PNLDC1: variants seen among roughly 807,000 people sequenced by gnomAD.
The protein encoded by PNLDC1 is poly(A)-specific ribonuclease PNLDC1.
A neutral mutation model predicts 82.0 loss-of-function variants in PNLDC1; 70 were observed. The observed-to-expected ratio is 0.85, with a 90% CI of 0.70 to 1.04. The LOEUF (loss-of-function observed/expected upper bound fraction) is 1.04. Ranked by LOEUF, PNLDC1 falls within the 50% of genes least tolerant of loss-of-function variation. The pLI is 0.00. For missense variants in PNLDC1, 631 were observed against 661.1 expected, an observed-to-expected ratio of 0.95 and a Z score of 0.50; for synonymous variants, 280 against 249.3, an observed-to-expected ratio of 1.12 and a Z score of -1.16.
intron 6 of PNLDC1, 68 bp downstream of exon 6, chr6:159,804,705 G>A: frequency 8.0e-7 from 1 of 1,249,878 alleles, no homozygotes; most frequent in East Asian, 2.4e-5. Context: ...CCGTGGGCGG[G>A]CGTGCCGTTT....
At chr6:159,801,742 G>A (rs531383149) in intron 3 of PNLDC1, among the ~76,000 whole-genome samples, 2 of 151,382 alleles carry the variant, frequency 1.3e-5, no homozygotes, top group East Asian at 3.9e-4. Flanking sequence ...AACCACACCT[G>A]GCCTGTGATT....
intron 7 of PNLDC1, 27 bp from the exon 8 acceptor site, chr6:159,808,713 G>A (rs779662718): frequency 2.5e-6 from 4 of 1,599,608 alleles, no homozygotes; most frequent in Non-Finnish European, 3.4e-6. Context: ...TCCAGGTGCT[G>A]TGTGCCCCTG....
At chr6:159,816,083 G>C in intron 13 of PNLDC1, 50 bp downstream of exon 13, 2 of 1,268,924 alleles carry the variant, frequency 1.6e-6, no homozygotes, top group Non-Finnish European at 1.0e-6. Flanking sequence ...GAGTGCTGAG[G>C]TGCTCAGCTG....
intron 3 of PNLDC1, among the ~76,000 whole-genome samples, chr6:159,801,611 A>G (rs1421810374): frequency 6.6e-6 from 1 of 151,872 alleles, no homozygotes; most frequent in Admixed American, 6.6e-5. Context: ...ACACCTAGCT[A>G]ATTTTTAAAT....
intron 9 of PNLDC1, among the ~76,000 whole-genome samples, 182 bp downstream of exon 9, chr6:159,809,340 A>G (rs769625038): frequency 2.0e-5 from 3 of 152,148 alleles, no homozygotes; most frequent in Non-Finnish European, 2.9e-5. Context: ...GAAGGAGTGC[A>G]GTGGCATGAA....
rs966209498 is a variant in PNLDC1 at position 159,818,709 on chromosome 6, G to A, written c.1257+55G>A. On this transcript the variant is annotated intron_variant, in intron 16 of 18. Transcript: ENST00000392167. ...CCATTCAGAGTTCAGAGGCTTTGCT[G>A]GGAAGCGGCCAGTGCTCTCTGGGAC... 2.3e-5 allele frequency: 35 copies of A among 1,535,514 alleles called. No homozygotes were observed. The African/African-American group carries it at 4.0e-4, about 17-fold the overall frequency.
At chr6:159,808,329 C>T (rs1381056543) in intron 7 of PNLDC1, among the ~76,000 whole-genome samples, 2 of 152,204 alleles carry the variant, frequency 1.3e-5, no homozygotes, top group Admixed American at 6.5e-5. Context: ...AGAACAGTGT[C>T]ACTCTTCTCG....
At chr6:159,801,265 CTG>C in intron 3 of PNLDC1, 79 bp downstream of exon 3, 2 of 1,328,576 alleles carry the variant, frequency 1.5e-6, no homozygotes, top group Admixed American at 1.7e-5. Flanking sequence ...AAAAACAGCT[CTG>C]AGATTTTTCA....
chr6:159,820,349 G>A (rs899271711), intron 18 of PNLDC1, 105 bp from the exon 19 acceptor site: 1 of 1,082,246 alleles, frequency 9.2e-7, no homozygotes, highest in African/African-American at 1.5e-5. Context: ...CAGCAAGAAA[G>A]AACATCTGAG....
chr6:159,800,408 G>T (rs1781196752), intron 1 of PNLDC1, 25 bp downstream of exon 1: 1 of 1,543,560 alleles, frequency 6.5e-7, no homozygotes, highest in South Asian at 1.2e-5. Flanking sequence ...ATTCGCGGCT[G>T]TGCCGGACAG....
At chr6:159,820,087 C>T (rs1397710560) in intron 18 of PNLDC1, among the ~76,000 whole-genome samples, 2 of 152,076 alleles carry the variant, frequency 1.3e-5, no homozygotes, top group African/African-American at 2.4e-5. Flanking sequence ...GTGGAGTCAG[C>T]GACAGACCAG....
At chr6:159,815,501 G>A (rs757515626) in intron 12 of PNLDC1, among the ~76,000 whole-genome samples, 1 of 152,162 alleles carries the variant, frequency 6.6e-6, no homozygotes, top group Non-Finnish European at 1.5e-5. Context: ...TTGCCTGCTC[G>A]AAATGCCTGC....
rs149905274 is a variant in PNLDC1, at chr6:159,808,699, C to T, written c.563-41C>T. On this transcript the variant is annotated intron_variant, in intron 7 of 18. Transcript: ENST00000392167. ...CTTCTCTTGTGGGGAACATGCCACA[C>T]GGTTCCAGGTGCTGTGTGCCCCTGT... 154 of 1,561,138 alleles carry T rather than the reference C, an allele frequency of 9.9e-5. 1 individual carries two copies. The highest frequency in any genetic ancestry group is 7.5e-4 in the African/African-American group (55 of 73,720).
At chr6:159,803,054 C>T (rs1479731263) in intron 3 of PNLDC1, among the ~76,000 whole-genome samples, 1 of 152,098 alleles carries the variant, frequency 6.6e-6, no homozygotes. Context: ...GAAGAACAGG[C>T]CACAATTAGA....
chr6:159,806,673 G>C (rs1422560062), intron 7 of PNLDC1, among the ~76,000 whole-genome samples: 1 of 152,176 alleles, frequency 6.6e-6, no homozygotes, highest in Non-Finnish European at 1.5e-5. Context: ...GTTAAAAACG[G>C]AAAGGCCAAT....
At chr6:159,801,237 C>T (rs1304374224) in intron 3 of PNLDC1, 51 bp downstream of exon 3, 2 of 1,493,108 alleles carry the variant, frequency 1.3e-6, no homozygotes, top group Non-Finnish European at 1.9e-6. Flanking sequence ...TTTTTATTGT[C>T]CTTGGATTTC....
At chr6:159,816,418 TG>T in intron 13 of PNLDC1, 124 bp from the exon 14 acceptor site, 1 of 869,486 alleles carries the variant, frequency 1.2e-6, no homozygotes, top group Non-Finnish European at 1.9e-6. Context: ...TGTGTGGGCC[TG>T]GAGAAGGGTA....
chr6:159,803,165 C>T, intron 3 of PNLDC1, 106 bp from the exon 4 acceptor site: 1 of 985,796 alleles, frequency 1.0e-6, no homozygotes, highest in Non-Finnish European at 1.6e-6. Flanking sequence ...GTACAGCCCA[C>T]ATAGTATCTG....
Position 159,801,189 on chromosome 6 carries a change from G to A in PNLDC1, c.208+3G>A. Reference sequence around the variant, plus strand: ...GCAATTTACAGTCTGTCAGATTGGTGAGTTTAATATCAGCTGTTAGAGTTT... The same window carrying A: ...GCAATTTACAGTCTGTCAGATTGGTAAGTTTAATATCAGCTGTTAGAGTTT... On this transcript the variant is annotated splice_donor_region_variant and intron_variant, in intron 3 of 18. Coordinates refer to ENST00000392167, the MANE Select transcript of PNLDC1 (RefSeq NM_001271862.2). 1.2e-6 allele frequency: 2 copies of A among 1,612,906 alleles called. No homozygotes were observed. The highest frequency in any genetic ancestry group is 1.3e-5 in the African/African-American group (1 of 75,002).
Sources: allele counts gnomAD v4.1 joint callset (sites outside exome capture counted in the v4.1 genomes callset), GRCh38; gene constraint gnomAD v4.1.1; transcripts MANE v1.5; gene names NCBI Gene and HGNC (gene_info 2026-07-23, HGNC 2026-07-21).